The following CAMKMT variants were observed in gnomAD, a reference collection of about 807,000 sequenced individuals.
The protein encoded by CAMKMT is calmodulin-lysine N-methyltransferase, also known as CaM KMT.
Under a neutral mutation model 48.0 loss-of-function variants are expected in CAMKMT, and 53 were observed. That is an observed-to-expected ratio of 1.10 (90% confidence interval 0.89 to 1.39). CAMKMT has a LOEUF of 1.39. CAMKMT is among the 40% of genes most tolerant of loss of function. The probability of loss-of-function intolerance (pLI) is 0.00; values close to 1 mark genes in which losing one functional copy is unlikely to be tolerated. For missense variants in CAMKMT, 428 were observed against 402.7 expected (o/e 1.06, Z -0.54); for synonymous variants, 165 against 152.3 (o/e 1.08, Z -0.61).
At chr2:44,430,485 A>G (rs1335203349) in intron 3 of CAMKMT, among the ~76,000 whole-genome samples, 1 of 151,176 alleles carries the variant, frequency 6.6e-6, no homozygotes, top group African/African-American at 2.4e-5. Context: ...AATAGATGGT[A>G]ACAATTGGAC....
chr2:44,427,653 CT>C (rs1478003097), intron 3 of CAMKMT, among the ~76,000 whole-genome samples: 1 of 152,166 alleles, frequency 6.6e-6, no homozygotes, highest in Admixed American at 6.5e-5. Context: ...CAAGTATCCC[CT>C]GTATCTTAAA....
chr2:44,377,649 C>G (rs546001335), intron 2 of CAMKMT, among the ~76,000 whole-genome samples: 1 of 152,118 alleles, frequency 6.6e-6, no homozygotes, highest in Admixed American at 6.5e-5. Context: ...GCTGAGAGGC[C>G]TGAACTGTCC....
chr2:44,614,478 TA>T (rs1310502355), intron 3 of CAMKMT, among the ~76,000 whole-genome samples: 1 of 152,218 alleles, frequency 6.6e-6, no homozygotes, highest in African/African-American at 2.4e-5. Context: ...ATGCTGGAGA[TA>T]CACCAGAGAG....
chr2:44,589,924 AAT>A (rs368418900), intron 3 of CAMKMT, among the ~76,000 whole-genome samples: 41,157 of 88,056 alleles, frequency 0.47, 10,425 homozygotes, highest in Non-Finnish European at 0.53. Flanking sequence ...AAAAAAAAAA[AAT>A]TTTAATTTCC....
At chr2:44,698,674 A>C (rs1677097312) in intron 3 of CAMKMT, among the ~76,000 whole-genome samples, 1 of 152,240 alleles carries the variant, frequency 6.6e-6, no homozygotes, top group Admixed American at 6.5e-5. Context: ...GATGGTTAGC[A>C]GGGTGATGGT....
chr2:44,718,215 A>G (rs2104310430), intron 7 of CAMKMT, among the ~76,000 whole-genome samples: 1 of 152,286 alleles, frequency 6.6e-6, no homozygotes, highest in East Asian at 1.9e-4. Flanking sequence ...TGCCTAAAGT[A>G]ACTCTTCTCT....
intron 3 of CAMKMT, among the ~76,000 whole-genome samples, chr2:44,666,209 A>G (rs556526489): frequency 1.3e-4 from 20 of 152,300 alleles, no homozygotes; most frequent in Admixed American, 1.1e-3. Flanking sequence ...AAATTGTTCG[A>G]CCTGAATAGG....
chr2:44,660,925 ATGG>A (rs1674645478), intron 3 of CAMKMT, among the ~76,000 whole-genome samples: 1 of 152,212 alleles, frequency 6.6e-6, no homozygotes, highest in African/African-American at 2.4e-5. Context: ...CTAGCAATAT[ATGG>A]CATCAATGTT....
intron 10 of CAMKMT, among the ~76,000 whole-genome samples, chr2:44,768,729 G>A (rs1002627251): frequency 6.6e-6 from 1 of 152,204 alleles, no homozygotes; most frequent in Non-Finnish European, 1.5e-5. Flanking sequence ...TTTGTTGGCC[G>A]CGTGCTAATA....
chr2:44,562,898 C>G (rs1225748849), intron 3 of CAMKMT, among the ~76,000 whole-genome samples: 1 of 152,166 alleles, frequency 6.6e-6, no homozygotes, highest in East Asian at 1.9e-4. Flanking sequence ...CCATCTGCCT[C>G]CCCTGCTCAA....
Position 44,690,645 on chromosome 2 carries a change from G to T in CAMKMT, c.377-13638G>T, listed in dbSNP as rs113726834. On this transcript the variant is annotated intron_variant, in intron 3 of 10. Coordinates refer to ENST00000378494, the MANE Select transcript of CAMKMT (RefSeq NM_024766.5). ...ATGTAAAGTACACAGCCCAGTGTTTGCCAGGTAGTAAGTGTTCAACAAGTG... is the reference window on the plus strand; with the variant it reads ...ATGTAAAGTACACAGCCCAGTGTTTTCCAGGTAGTAAGTGTTCAACAAGTG... 3.6e-3 allele frequency among the ~76,000 whole-genome samples: 548 copies of T among 152,296 alleles called. 5 individuals carry two copies. Among genetic ancestry groups the T allele is most frequent in the African/African-American group, 0.012 (508 of 41,542 alleles).
chr2:44,681,559 G>A (rs1376513109), intron 3 of CAMKMT, among the ~76,000 whole-genome samples: 2 of 150,144 alleles, frequency 1.3e-5, no homozygotes, highest in South Asian at 4.2e-4. Flanking sequence ...TTTTTTTGGA[G>A]GGGGAGGGGA....
intron 3 of CAMKMT, among the ~76,000 whole-genome samples, chr2:44,603,350 C>T (rs902601584): frequency 1.3e-5 from 2 of 152,156 alleles, no homozygotes; most frequent in Non-Finnish European, 2.9e-5. Flanking sequence ...CTTGGCCTCC[C>T]AAAGTGCTGA....
At chr2:44,650,347 G>T (rs1056344872) in intron 3 of CAMKMT, among the ~76,000 whole-genome samples, 1 of 152,144 alleles carries the variant, frequency 6.6e-6, no homozygotes, top group Non-Finnish European at 1.5e-5. Context: ...GGGGCCCACT[G>T]TACTCCAGTG....
chr2:44,574,267 T>G lies in CAMKMT; in HGVS notation c.377-130016T>G, dbSNP rs550801515. On this transcript the variant is annotated intron_variant, in intron 3 of 10. Coordinates refer to ENST00000378494, the MANE Select transcript of CAMKMT (RefSeq NM_024766.5). Reference sequence around the variant, plus strand: ...CAGGGAGCATGGCCCAGTGCCTTTATTGGGGTTTTCACAGGATCGAATGGG... The same window carrying G: ...CAGGGAGCATGGCCCAGTGCCTTTAGTGGGGTTTTCACAGGATCGAATGGG... 7.2e-4 allele frequency among the ~76,000 whole-genome samples: 109 copies of G among 152,276 alleles called. 1 individual carries two copies. The highest frequency in any genetic ancestry group is 2.5e-3 in the African/African-American group (105 of 41,554).
chr2:44,510,053 C>T (rs1380040930), intron 3 of CAMKMT, among the ~76,000 whole-genome samples: 4 of 152,214 alleles, frequency 2.6e-5, no homozygotes, highest in East Asian at 1.9e-4. Context: ...TAACATCTTA[C>T]ATTACCATAG....
At chr2:44,582,435 C>T (rs1162373420) in intron 3 of CAMKMT, among the ~76,000 whole-genome samples, 1 of 152,200 alleles carries the variant, frequency 6.6e-6, no homozygotes, top group Non-Finnish European at 1.5e-5. Flanking sequence ...TTTCTAAATG[C>T]ACTCAGTTGT....
intron 3 of CAMKMT, among the ~76,000 whole-genome samples, chr2:44,439,250 C>T (rs577382710): frequency 6.4e-4 from 97 of 152,272 alleles, no homozygotes; most frequent in African/African-American, 2.0e-3. Flanking sequence ...CATTCTTTCT[C>T]GTATAATTAG....
At chr2:44,522,719 G>C (rs1173438378) in intron 3 of CAMKMT, among the ~76,000 whole-genome samples, 1 of 152,148 alleles carries the variant, frequency 6.6e-6, no homozygotes, top group Non-Finnish European at 1.5e-5. Context: ...GAAGAGTCTG[G>C]GAATGAGAAA....
Sources: allele counts gnomAD v4.1 joint callset (sites outside exome capture counted in the v4.1 genomes callset), GRCh38; gene constraint gnomAD v4.1.1; transcripts MANE v1.5; gene names NCBI Gene and HGNC (gene_info 2026-07-23, HGNC 2026-07-21).